DNHD1: variants seen among roughly 807,000 people sequenced by gnomAD.
DNHD1 encodes the protein dynein heavy chain domain 1, also known as dynein heavy chain domain-containing protein 1.
Under a neutral mutation model 458.1 loss-of-function variants are expected in DNHD1, and 383 were observed. The ratio of observed to expected loss-of-function variants is 0.84; its 90% CI spans 0.77 to 0.91. The LOEUF (loss-of-function observed/expected upper bound fraction) is 0.91, where lower values mean the gene tolerates loss of function less well. Ranked by LOEUF, DNHD1 falls within the 40% of genes least tolerant of loss-of-function variation. The pLI, the probability that DNHD1 is intolerant of heterozygous loss-of-function variation, is 0.00. For synonymous variants in DNHD1, 2,203 were observed against 2,376.9 expected (o/e 0.93, Z 2.13); for missense variants, 5,336 against 5,866.1 (o/e 0.91, Z 2.95).
chr11:6,507,000 G>T (rs892723537), intron 4 of DNHD1, among the ~76,000 whole-genome samples: 4 of 152,170 alleles, frequency 2.6e-5, no homozygotes, highest in Non-Finnish European at 5.9e-5. Context: ...TGAGTTTCAG[G>T]TGCAAGCAAG....
chr11:6,528,404 G>GGT (rs55919773), intron 10 of DNHD1, 118 bp from the exon 11 acceptor site: 62,706 of 859,836 alleles, frequency 0.073, 123 homozygotes, highest in East Asian at 0.22. Flanking sequence ...GCAGCGAATG[G>GGT]GTGTGTGTGT....
rs750156561 is a variant in DNHD1 at position 6,528,537 on chromosome 11, AG to A, written c.1855del (p.Asp619ThrfsTer7). On this transcript the variant is annotated frameshift_variant, in exon 11 of 43. Transcript: ENST00000254579. LOFTEE classifies it high-confidence loss of function. Reference protein sequence around the residue: ...SLYSEEEDEEEDSKDEFLMPK... With the variant: ...SLYSEEEDEEXDSKDEFLMPK... ...GCTCCACTAGAAGAAGATGAAGAGG[AG>A]GACTCAAAAGACGAATTTCTGATGC... 68 of 1,550,092 alleles carry A rather than the reference AG, an allele frequency of 4.4e-5. No homozygotes were observed. The African/African-American group carries it at 7.5e-4, about 17-fold the overall frequency.
chr11:6,537,436 A>C (rs906258642), intron 14 of DNHD1, among the ~76,000 whole-genome samples: 2 of 152,220 alleles, frequency 1.3e-5, no homozygotes, highest in Non-Finnish European at 2.9e-5. Flanking sequence ...TGAACAAATG[A>C]TAAAATGCTT....
At chr11:6,504,791 A>G (rs577149989) in intron 4 of DNHD1, among the ~76,000 whole-genome samples, 1 of 152,062 alleles carries the variant, frequency 6.6e-6, no homozygotes, top group African/African-American at 2.4e-5. Flanking sequence ...ACCCTGAGAG[A>G]TACCAACACC....
At chr11:6,512,049 A>G (rs1052758768) in intron 7 of DNHD1, among the ~76,000 whole-genome samples, 1 of 152,090 alleles carries the variant, frequency 6.6e-6, no homozygotes, top group Non-Finnish European at 1.5e-5. Context: ...TTTTGTGAAA[A>G]TAACTAATTA....
intron 18 of DNHD1, among the ~76,000 whole-genome samples, chr11:6,540,620 G>C (rs1324636269): frequency 6.6e-6 from 1 of 152,212 alleles, no homozygotes; most frequent in East Asian, 1.9e-4. Flanking sequence ...ATCTCAGAGA[G>C]AGGACCAGCT....
chr11:6,549,295 C>T (rs1424946927), intron 24 of DNHD1, among the ~76,000 whole-genome samples: 1 of 152,210 alleles, frequency 6.6e-6, no homozygotes, highest in Non-Finnish European at 1.5e-5. Flanking sequence ...GTTTCACCAT[C>T]CAGCCAGTCA....
At chr11:6,518,630 C>T (rs1277353085) in intron 7 of DNHD1, among the ~76,000 whole-genome samples, 2 of 152,066 alleles carry the variant, frequency 1.3e-5, no homozygotes, top group Non-Finnish European at 2.9e-5. Flanking sequence ...AAGGAGCTTA[C>T]AGTGTAGTGG....
chr11:6,511,073 T>C (rs1267445677), intron 6 of DNHD1, among the ~76,000 whole-genome samples, 200 bp from the exon 7 acceptor site: 1 of 152,248 alleles, frequency 6.6e-6, no homozygotes, highest in African/African-American at 2.4e-5. Flanking sequence ...TCAGCTTGTA[T>C]AGCTGAGAAA....
chr11:6,570,656 C>T lies in DNHD1; in HGVS notation c.13144C>T (p.Gln4382Ter). 1 of 1,612,042 alleles carries T rather than the reference C, an allele frequency of 6.2e-7. No individual in the cohort carries two copies. Among genetic ancestry groups the T allele is most frequent in the Non-Finnish European group, 8.5e-7 (1 of 1,179,176 alleles). The change falls in exon 42 of 43, where the codon CAG (glutamine) becomes TAG (stop). Residue 4382 changes from glutamine (Q) to a stop codon, truncating the protein, a stop_gained. Coordinates refer to ENST00000254579, the MANE Select transcript of DNHD1 (RefSeq NM_144666.3). LOFTEE classifies it high-confidence loss of function. ...GGATGCAATGGCAGAGTGCAAGGCCCAGATGCACCTACTGCCCTCACCACC... is the reference window on the plus strand; with the variant it reads ...GGATGCAATGGCAGAGTGCAAGGCCTAGATGCACCTACTGCCCTCACCACC... ...ELDAMAECKAQMHLLPSPPEP... is the reference protein window; with the variant it reads ...ELDAMAECKA
Position 6,558,200 on chromosome 11 carries a change from C to A in DNHD1, c.8905C>A (p.Gln2969Lys), listed in dbSNP as rs1853510278. 3.2e-6 allele frequency: 5 copies of A among 1,551,754 alleles called. No individual in the cohort carries two copies. Among genetic ancestry groups the A allele is most frequent in the Non-Finnish European group, 4.4e-6 (5 of 1,147,008 alleles). Residue 2969 changes from glutamine (Q) to lysine (K), a missense_variant, in exon 25 of 43, where the codon CAG becomes AAG. Gln to Lys is a moderately conservative substitution (Grantham distance 53, BLOSUM62 1). Around this residue, in one of 4 missense-constraint regions of DNHD1, gnomAD observed 3,932 missense variants for 4,365.6 expected, o/e 0.90. Transcript: ENST00000254579. ...ALATSGSFPG[Q>K]YTEADLDRIG... Reference sequence around the variant, plus strand: ...GGCAACCTCAGGCAGTTTCCCTGGCCAGTACACAGAAGCAGATTTGGACCG... The same window carrying A: ...GGCAACCTCAGGCAGTTTCCCTGGCAAGTACACAGAAGCAGATTTGGACCG...
At chr11:6,559,427 C>T in intron 28 of DNHD1, 144 bp downstream of exon 28, 1 of 710,866 alleles carries the variant, frequency 1.4e-6, no homozygotes, top group East Asian at 2.7e-5. Flanking sequence ...TCTCCGCTGC[C>T]TCCTCCTTTA....
At chr11:6,517,169 A>G (rs1234731072) in intron 7 of DNHD1, among the ~76,000 whole-genome samples, 1 of 152,206 alleles carries the variant, frequency 6.6e-6, no homozygotes, top group East Asian at 1.9e-4. Flanking sequence ...ACAAATAAAA[A>G]TGGAATATAT....
Position 6,538,446 on chromosome 11 carries a change from T to TA in DNHD1, c.3063dup (p.Trp1022MetfsTer71). On this transcript the variant is annotated frameshift_variant, in exon 15 of 43. Transcript: ENST00000254579. ...CGTCCTATTGTGCAGCAGCAGCGCA[T>TA]ATGGCACCTGTACCGAGTCATCTCC... is the stretch of plus-strand genomic sequence containing the variant. 1 of 1,551,764 alleles carries TA rather than the reference T, an allele frequency of 6.4e-7. No homozygotes were observed. Among genetic ancestry groups the TA allele is most frequent in the Non-Finnish European group, 8.7e-7 (1 of 1,147,002 alleles).
intron 24 of DNHD1, among the ~76,000 whole-genome samples, chr11:6,555,742 A>C (rs969045687): frequency 2.0e-5 from 3 of 152,224 alleles, no homozygotes; most frequent in African/African-American, 7.2e-5. Context: ...AGAACAGACA[A>C]AGCTAACCTA....
rs772552317 is a variant in DNHD1, at chr11:6,520,230, G to T, written c.1786-8G>T. On this transcript the variant is annotated splice_region_variant and splice_polypyrimidine_tract_variant and intron_variant, in intron 9 of 42. Coordinates refer to ENST00000254579, the MANE Select transcript of DNHD1 (RefSeq NM_144666.3). ...ATTTCTGCCCCTTCTCCATATCCTG[G>T]CATGAAGGTAGTGCAGTCTGCAGAC... The T allele has an allele frequency of 6.4e-7, 1 of 1,558,828 alleles. No individual in the cohort carries two copies. Among genetic ancestry groups the T allele is most frequent in the South Asian group, 1.2e-5 (1 of 85,356 alleles).
chr11:6,528,500 A>C, intron 10 of DNHD1, 22 bp from the exon 11 acceptor site: 1 of 1,543,216 alleles, frequency 6.5e-7, no homozygotes, highest in Non-Finnish European at 8.8e-7. Flanking sequence ...CTCACGGACA[A>C]TTATGGCCTG....
rs922932319 is a variant in DNHD1, at chr11:6,512,607, G to A, written c.1392+1178G>A. Among the ~76,000 whole-genome samples the A allele has an allele frequency of 2.1e-4, 32 of 152,030 alleles. 1 individual carries two copies. Among genetic ancestry groups the A allele is most frequent in the East Asian group, 1.3e-3 (7 of 5,188 alleles). Reference sequence around the variant, plus strand: ...AAATCTTAAATATTTAAAAATACCCGTAATAAAACATTTTCATAAAATTTT... The same window carrying A: ...AAATCTTAAATATTTAAAAATACCCATAATAAAACATTTTCATAAAATTTT... On this transcript the variant is annotated intron_variant, in intron 7 of 42. Coordinates refer to ENST00000254579, the MANE Select transcript of DNHD1 (RefSeq NM_144666.3).
chr11:6,554,788 C>G (rs1448372673), intron 24 of DNHD1, among the ~76,000 whole-genome samples: 1 of 152,234 alleles, frequency 6.6e-6, no homozygotes. Context: ...CTGAAACTCT[C>G]TCACTTTGAT....
Sources: allele counts gnomAD v4.1 joint callset (sites outside exome capture counted in the v4.1 genomes callset), GRCh38; gene constraint gnomAD v4.1.1; regional missense constraint gnomAD v4.1.1; transcripts MANE v1.5; gene names NCBI Gene and HGNC (gene_info 2026-07-23, HGNC 2026-07-21).